The following ATAD2B variants were observed in gnomAD, a reference collection of about 807,000 sequenced individuals.
ATAD2B encodes the protein ATPase family AAA domain containing 2B, also known as ATPase family AAA domain-containing protein 2B.
Under a neutral mutation model 167.6 loss-of-function variants are expected in ATAD2B, and 40 were observed. That is an observed-to-expected ratio of 0.24 (90% CI 0.19 to 0.31). ATAD2B has a LOEUF of 0.31. Among genes scored for constraint, ATAD2B ranks in the 10% least tolerant of loss-of-function variants. ATAD2B has a pLI of 1.00. For missense variants in ATAD2B, 1,242 were observed against 1,757.2 expected (o/e 0.71, Z 5.24); for synonymous variants, 579 against 596.5 (o/e 0.97, Z 0.43).
chr2:23,901,486 T>C (rs11885204), intron 1 of ATAD2B, among the ~76,000 whole-genome samples: 2 of 152,112 alleles, frequency 1.3e-5, no homozygotes, highest in African/African-American at 4.8e-5. Context: ...TATATATTTA[T>C]CATCTTTAAA....
intron 17 of ATAD2B, among the ~76,000 whole-genome samples, chr2:23,814,501 C>T (rs545300735): frequency 6.6e-6 from 1 of 152,092 alleles, no homozygotes; most frequent in Non-Finnish European, 1.5e-5. Context: ...GTTACCAAGG[C>T]AGAAACCCAA....
At chr2:23,822,581 C>T (rs1429753154) in intron 16 of ATAD2B, among the ~76,000 whole-genome samples, 1 of 151,588 alleles carries the variant, frequency 6.6e-6, no homozygotes, top group Non-Finnish European at 1.5e-5. Context: ...CTCCCACTCC[C>T]CTGCTCTATA....
intron 13 of ATAD2B, among the ~76,000 whole-genome samples, chr2:23,851,103 T>C (rs890244856): frequency 2.6e-5 from 4 of 152,160 alleles, no homozygotes; most frequent in Non-Finnish European, 5.9e-5. Flanking sequence ...TCCAGAAATA[T>C]GACAAATAAT....
intron 13 of ATAD2B, among the ~76,000 whole-genome samples, chr2:23,850,468 C>G (rs961505755): frequency 2.6e-5 from 4 of 152,190 alleles, no homozygotes; most frequent in East Asian, 1.9e-4. Context: ...CCATCTTAAT[C>G]TGAAAAAGGG....
the ATAD2B span, among the ~76,000 whole-genome samples, chr2:23,717,257 G>A: frequency 1.2e-4 from 17 of 146,894 alleles, no homozygotes; most frequent in African/African-American, 3.9e-4. Context: ...ACCCAACAGG[G>A]ACTCATGGGA....
In ATAD2B at chr2:23,819,730, T is replaced by G. The variant is rs988770346; in HGVS notation, c.2267+17A>C. On this transcript the variant is annotated intron_variant, in intron 17 of 27. Coordinates refer to ENST00000238789, the MANE Select transcript of ATAD2B (RefSeq NM_017552.4). ...AAATCACTCTAAATACAAAGAAAGT[T>G]GATATAAATCACTCACATTGTAAAA... The G allele has an allele frequency of 1.9e-6, 3 of 1,563,994 alleles. No homozygotes were observed. The highest frequency in any genetic ancestry group is 2.6e-6 in the Non-Finnish European group (3 of 1,150,074).
the ATAD2B span, among the ~76,000 whole-genome samples, chr2:23,711,076 TA>T: frequency 6.6e-6 from 1 of 152,328 alleles, no homozygotes; most frequent in East Asian, 1.9e-4. Context: ...GAAAACAATG[TA>T]TATTTTTATG....
chr2:23,868,935 T>A (rs1054584084), intron 9 of ATAD2B, among the ~76,000 whole-genome samples: 1 of 152,208 alleles, frequency 6.6e-6, no homozygotes, highest in Non-Finnish European at 1.5e-5. Context: ...AAGTAGATTA[T>A]CAGAATAGTT....
At chr2:23,879,921 G>C (rs1697596659) in intron 7 of ATAD2B, among the ~76,000 whole-genome samples, 1 of 152,058 alleles carries the variant, frequency 6.6e-6, no homozygotes, top group African/African-American at 2.4e-5. Context: ...AGCCAGATGT[G>C]GTTGCGGGCA....
the ATAD2B span, among the ~76,000 whole-genome samples, chr2:23,680,082 G>C: frequency 6.6e-6 from 1 of 152,202 alleles, no homozygotes; most frequent in Non-Finnish European, 1.5e-5. The surrounding 1 kb of genome is among the most constrained non-coding windows in gnomAD (Gnocchi z 4.1). Flanking sequence ...ATGCAGTGTG[G>C]AGGTGGCCTG....
the ATAD2B span, chr2:23,708,239 TTTAATA>T: frequency 2.2e-3 from 328 of 152,348 alleles, 2 homozygotes; most frequent in African/African-American, 7.4e-3. Flanking sequence ...TTATGCAGTT[TTTAATA>T]TTATTTATTA....
At chr2:23,721,086 C>T in the ATAD2B span, among the ~76,000 whole-genome samples, 4 of 152,196 alleles carry the variant, frequency 2.6e-5, no homozygotes, top group Non-Finnish European at 5.9e-5. Context: ...GCCAGAGGAA[C>T]AGTGTGGGAG....
At chr2:23,726,625 T>A in the ATAD2B span, among the ~76,000 whole-genome samples, 2 of 152,170 alleles carry the variant, frequency 1.3e-5, no homozygotes, top group Non-Finnish European at 2.9e-5. Flanking sequence ...TTCAAACCCA[T>A]GTTGTTCAAG....
At chr2:23,720,407 C>A in the ATAD2B span, among the ~76,000 whole-genome samples, 1 of 152,210 alleles carries the variant, frequency 6.6e-6, no homozygotes, top group East Asian at 1.9e-4. Context: ...AACCCCATCT[C>A]TATTAAAAGT....
At chr2:23,803,571 C>CCTGA (rs2149488213) in intron 18 of ATAD2B, among the ~76,000 whole-genome samples, 1 of 152,282 alleles carries the variant, frequency 6.6e-6, no homozygotes, top group African/African-American at 2.4e-5. Flanking sequence ...CTTATGCACA[C>CCTGA]TAAATCTTAA....
chr2:23,806,794 T>A (rs1684466373), intron 18 of ATAD2B, among the ~76,000 whole-genome samples: 1 of 152,188 alleles, frequency 6.6e-6, no homozygotes, highest in Non-Finnish European at 1.5e-5. Context: ...TTTGATAACC[T>A]CATGGTGTCA....
chr2:23,904,466 G>A (rs1701227950), intron 1 of ATAD2B, among the ~76,000 whole-genome samples: 1 of 151,546 alleles, frequency 6.6e-6, no homozygotes, highest in Admixed American at 6.6e-5. Flanking sequence ...TGACTACAGA[G>A]CTAGTCTTAC....
chr2:23,785,941 C>T (rs928822660), intron 21 of ATAD2B, 86 bp downstream of exon 21: 1 of 1,265,864 alleles, frequency 7.9e-7, no homozygotes, highest in Admixed American at 2.9e-5. Context: ...CATGCCTTTG[C>T]TTTTTTTTCC....
the ATAD2B span, among the ~76,000 whole-genome samples, chr2:23,693,076 G>A: frequency 6.6e-6 from 1 of 152,154 alleles, no homozygotes. Flanking sequence ...GCATGAAATG[G>A]GGTAGGGGAG....
Sources: gnomAD v4.1 joint callset for allele counts (sites outside exome capture counted in the v4.1 genomes callset) on GRCh38, gnomAD v4.1.1 for gene constraint, Gnocchi (gnomAD v3.1) non-coding constraint, MANE v1.5 for transcripts, NCBI Gene and HGNC (gene_info 2026-07-23, HGNC 2026-07-21) for gene names.